Variants in CDH3 observed in about 807,000 individuals in gnomAD.
CDH3 encodes cadherin-3.
Under a neutral mutation model 82.0 loss-of-function variants are expected in CDH3, and 54 were observed. The ratio of observed to expected loss-of-function variants is 0.66; its 90% confidence interval spans 0.53 to 0.83. The LOEUF (loss-of-function observed/expected upper bound fraction) is 0.83. Among genes scored for constraint, CDH3 ranks in the 40% least tolerant of loss-of-function variants. The probability of loss-of-function intolerance (pLI) is 0.00; values close to 1 mark genes in which losing one functional copy is unlikely to be tolerated. For missense variants in CDH3, 1,054 were observed against 1,084.6 expected (o/e 0.97, Z 0.40); for synonymous variants, 446 against 437.9 (o/e 1.02, Z -0.23).
chr16:68,732,117 G>A (rs372394829), downstream of CDH3, among the ~76,000 whole-genome samples: 2 of 151,360 alleles, frequency 1.3e-5, no homozygotes, highest in African/African-American at 2.4e-5. Context: ...AACTGGAGGC[G>A]GTATAGCCAG....
In CDH3 at chr16:68,707,272, G is replaced by A. The variant is rs1243727843; in HGVS notation, c.99+11349G>A. Among the ~76,000 whole-genome samples the A allele has an allele frequency of 6.6e-6, 1 of 152,180 alleles. No individual in the cohort carries two copies. Among genetic ancestry groups the A allele is most frequent in the Non-Finnish European group, 1.5e-5 (1 of 68,024 alleles). ...GAGAGTGTGTGCAGAGATGAGGTTG[G>A]ACAGGTAAGGAGCGGGGGGCCAAGG... On this transcript the variant is annotated intron_variant, in intron 1 of 2. Transcript: ENST00000569080. The surrounding 1 kb of genome is among the most constrained non-coding windows in gnomAD (Gnocchi z 4.5).
At position 68,707,786 on chromosome 16, in the gene CDH3, G is replaced by A. The variant is rs989772301; in HGVS notation, c.99+11863G>A. Among the ~76,000 whole-genome samples, 1 of 152,024 alleles carries A rather than the reference G, an allele frequency of 6.6e-6. No individual in the cohort carries two copies. The highest frequency in any genetic ancestry group is 2.4e-5 in the African/African-American group (1 of 41,400). On this transcript the variant is annotated intron_variant, in intron 1 of 2. Coordinates refer to the CDH3 transcript ENST00000569080. This position sits in a 1 kb window ranked among gnomAD's most constrained non-coding sequence, Gnocchi z 4.5. ...CCTCTCCAAGTTAGAGGTGGGGTGG[G>A]AAGCCACCCCTGCATTCCCTGTACC...
intron 2 of CDH3, among the ~76,000 whole-genome samples, chr16:68,672,759 A>G (rs1021181886): frequency 2.0e-5 from 3 of 152,068 alleles, no homozygotes; most frequent in Non-Finnish European, 4.4e-5. Context: ...CCCACAGAGG[A>G]TCCTTCTGTG....
intron 2 of CDH3, among the ~76,000 whole-genome samples, chr16:68,724,024 G>A (rs560480631): frequency 1.7e-4 from 25 of 147,610 alleles, no homozygotes; most frequent in Non-Finnish European, 3.0e-4. Flanking sequence ...AGCCGAGATC[G>A]GGCCACTGCA....
rs532708268 is a variant in CDH3 at position 68,687,849 on chromosome 16, C to A, written c.1795+113C>A. 5.3e-6 allele frequency: 4 copies of A among 758,960 alleles called. No homozygotes were observed. In the East Asian group the frequency reaches 8.0e-5, roughly 15 times the overall value. The allele number at this position is 758,960 out of a possible 1,614,324, so 47.0% of individuals were successfully genotyped here. On this transcript the variant is annotated intron_variant, in intron 12 of 15. Transcript: ENST00000264012. ...CCTAGCATCTTGTGGGCCATGGGGA[C>A]AATGATCTCCTCTAGAACCTCAATC...
Position 68,698,335 on chromosome 16 carries a change from C to A in CDH3, c.2425C>A (p.Leu809Met). The change falls in exon 16 of 16, where the codon CTG becomes ATG. Residue 809 changes from leucine (L) to methionine (M), a missense_variant. Transcript: ENST00000264012. ...CGACCAAGACCAAGATTACGATTAT[C>A]TGAACGAGTGGGGCAGCCGCTTCAA... ...ASDQDQDYDYLNEWGSRFKKL... is the reference protein window; with the variant it reads ...ASDQDQDYDYMNEWGSRFKKL... 6.2e-7 allele frequency: 1 copy of A among 1,614,212 alleles called. No homozygotes were observed. Among genetic ancestry groups the A allele is most frequent in the Non-Finnish European group, 8.5e-7 (1 of 1,180,016 alleles).
chr16:68,666,347 A>G (rs1169968150), intron 2 of CDH3, among the ~76,000 whole-genome samples: 1 of 152,012 alleles, frequency 6.6e-6, no homozygotes, highest in African/African-American at 2.4e-5. Context: ...AGCTCTGGGG[A>G]AAAAGGCCTG....
downstream of CDH3, among the ~76,000 whole-genome samples, chr16:68,703,184 C>T (rs2152108998): frequency 6.6e-6 from 1 of 152,336 alleles, no homozygotes; most frequent in South Asian, 2.1e-4. Flanking sequence ...GGCCCTGTCC[C>T]CACAGTGCGC....
chr16:68,701,852 C>A (rs917337813), downstream of CDH3, among the ~76,000 whole-genome samples: 2 of 150,802 alleles, frequency 1.3e-5, no homozygotes, highest in African/African-American at 4.9e-5. Context: ...GGTGAAATCT[C>A]GTCTCTACTA....
chr16:68,645,831 C>G, intron 2 of CDH3, 81 bp downstream of exon 2: 1 of 1,090,572 alleles, frequency 9.2e-7, no homozygotes, highest in Non-Finnish European at 1.3e-6. Flanking sequence ...GTGTTCGGGC[C>G]GGGGCAAGGG....
intron 1 of CDH3, among the ~76,000 whole-genome samples, chr16:68,713,461 C>T (rs1962056248): frequency 6.6e-6 from 1 of 151,802 alleles, no homozygotes; most frequent in East Asian, 1.9e-4. Flanking sequence ...AGTCTGCTTA[C>T]AAACCCTCCA....
intron 2 of CDH3, among the ~76,000 whole-genome samples, chr16:68,649,453 G>A (rs954643743): frequency 1.1e-4 from 16 of 152,122 alleles, no homozygotes; most frequent in East Asian, 3.8e-4. Context: ...CATATATTTC[G>A]CATCTGCATA....
rs558189729 is a variant in CDH3 at position 68,685,214 on chromosome 16, C to T, written c.1434C>T (p.Ile478=). 2 of 1,614,150 alleles carry T rather than the reference C, an allele frequency of 1.2e-6. No individual in the cohort carries two copies. Among genetic ancestry groups the T allele is most frequent in the East Asian group, 2.2e-5 (1 of 44,882 alleles). The change falls in exon 11 of 16, where the codon ATC becomes ATT. Residue 478 remains isoleucine (I), a synonymous_variant. Coordinates refer to ENST00000264012, the MANE Select transcript of CDH3 (RefSeq NM_001793.6). ...DKENQKISYR[I]LRDPAGWLAM... ...AACTTTTCCTCTCCAGCTACCGCAT[C>T]CTGAGAGACCCAGCAGGGTGGCTAG...
chr16:68,713,068 G>A (rs956267677), intron 1 of CDH3, among the ~76,000 whole-genome samples: 3 of 151,734 alleles, frequency 2.0e-5, no homozygotes, highest in Non-Finnish European at 4.4e-5. Context: ...TGATCTCCCC[G>A]CCCTTCTGTC....
At chr16:68,715,778 C>G (rs1408975845) in intron 1 of CDH3, among the ~76,000 whole-genome samples, 1 of 152,210 alleles carries the variant, frequency 6.6e-6, no homozygotes, top group Non-Finnish European at 1.5e-5. Flanking sequence ...CAAAAGACCT[C>G]ACAGTACCAG....
At chr16:68,670,770 A>G (rs1960864205) in intron 2 of CDH3, among the ~76,000 whole-genome samples, 1 of 152,214 alleles carries the variant, frequency 6.6e-6, no homozygotes, top group Admixed American at 6.5e-5. Flanking sequence ...TCTTCAGCCC[A>G]GCTTTAAATA....
At chr16:68,659,534 G>T (rs1182165506) in intron 2 of CDH3, among the ~76,000 whole-genome samples, 1 of 150,060 alleles carries the variant, frequency 6.7e-6, no homozygotes, top group South Asian at 2.1e-4. Flanking sequence ...AAGATCATAC[G>T]ACTGCACTGC....
At chr16:68,691,395 A>G (rs1435324947) in intron 12 of CDH3, among the ~76,000 whole-genome samples, 1 of 152,236 alleles carries the variant, frequency 6.6e-6, no homozygotes, top group African/African-American at 2.4e-5. Flanking sequence ...AAGCAAAAAA[A>G]CAGTGTAGCA....
At chr16:68,704,666 G>A (rs368592545), downstream of CDH3, among the ~76,000 whole-genome samples, 9 of 152,380 alleles carry the variant, frequency 5.9e-5, 1 homozygote, top group African/African-American at 1.9e-4. Context: ...GGCCGGAACG[G>A]CCTTGGACAC....
Sources: allele counts gnomAD v4.1 joint callset (sites outside exome capture counted in the v4.1 genomes callset), GRCh38; gene constraint gnomAD v4.1.1; non-coding constraint Gnocchi (gnomAD v3.1); transcripts MANE v1.5; gene names NCBI Gene and HGNC (gene_info 2026-07-23, HGNC 2026-07-21).